The following DENND4A variants were observed in gnomAD, a reference collection of about 807,000 sequenced individuals.
The protein encoded by DENND4A is C-myc promoter-binding protein.
In DENND4A, 70 loss-of-function variants were observed where a neutral mutation model predicts 199.3. That is an observed-to-expected ratio of 0.35 (90% confidence interval 0.29 to 0.43). The LOEUF is 0.43. Among genes scored for constraint, DENND4A ranks in the 20% least tolerant of loss-of-function variants. DENND4A has a pLI of 1.00. For missense variants in DENND4A, 1,723 were observed against 2,255.8 expected (o/e 0.76, Z 4.78); for synonymous variants, 686 against 766.9 (o/e 0.89, Z 1.74).
chr15:65,767,316 TTCTC>T (rs1368825755), intron 1 of DENND4A: 4 of 152,360 alleles, frequency 2.6e-5, no homozygotes, highest in East Asian at 3.8e-4. Context: ...GTCTTATTTA[TTCTC>T]TCTCTTTCCA....
chr15:65,709,362 C>T (rs1169584709), intron 14 of DENND4A, among the ~76,000 whole-genome samples: 2 of 152,088 alleles, frequency 1.3e-5, no homozygotes, highest in South Asian at 2.1e-4. Flanking sequence ...GCTAATAACA[C>T]CACCAGGGAT....
At chr15:65,759,102 C>A (rs2076786064) in intron 2 of DENND4A, among the ~76,000 whole-genome samples, 1 of 152,180 alleles carries the variant, frequency 6.6e-6, no homozygotes, top group Admixed American at 6.5e-5. Context: ...CTAATGTCAT[C>A]AGTTTTCAGA....
In DENND4A at chr15:65,669,976, C is replaced by G. The variant is rs747663704; in HGVS notation, c.4640+37G>C. On this transcript the variant is annotated intron_variant, in intron 26 of 32. Transcript: ENST00000443035. ...TTGAGAAAAGAGATATTATAGGGAA[C>G]ATGATCCTTAAACATGAAGGAAAAA... 31 of 1,601,084 alleles carry G rather than the reference C, an allele frequency of 1.9e-5. No homozygotes were observed. The South Asian group carries it at 3.0e-4, about 16-fold the overall frequency.
chr15:65,741,716 A>T lies in DENND4A; in HGVS notation c.630T>A (p.Ala210=). Residue 210 remains alanine (A), a splice_region_variant and synonymous_variant, in exon 5 of 33, where the codon GCT becomes GCA. Transcript: ENST00000443035. ...TATTGCATGAAAAATTACACTTACC[A>T]GCTTTGTAAGATACAGTGTTCGTCT... ...VAKTNTVSYK[A]GLICRYPQED... 1 of 1,612,136 alleles carries T rather than the reference A, an allele frequency of 6.2e-7. No homozygotes were observed. The highest frequency in any genetic ancestry group is 8.5e-7 in the Non-Finnish European group (1 of 1,178,850).
chr15:65,746,434 T>A (rs969990241), intron 4 of DENND4A, among the ~76,000 whole-genome samples: 1 of 131,512 alleles, frequency 7.6e-6, no homozygotes, highest in African/African-American at 2.7e-5. Flanking sequence ...TCACGCAGAC[T>A]GTAGTGCAGT....
At chr15:65,735,794 G>A (rs1006170535) in intron 7 of DENND4A, among the ~76,000 whole-genome samples, 3 of 151,910 alleles carry the variant, frequency 2.0e-5, no homozygotes, top group Non-Finnish European at 4.4e-5. Flanking sequence ...ATTTTTGTTT[G>A]AAAGATGACT....
Position 65,698,726 on chromosome 15 carries a change from CTTTTTTTTTTTTTTTTTTT to C in DENND4A, c.2834-1362_2834-1344del, listed in dbSNP as rs71139423. On this transcript the variant is annotated intron_variant, in intron 20 of 32. Transcript: ENST00000443035. ...AGGTTTTACACTATTTTAAGATAGC[CTTTTTTTTTTTTTTTTTTT>C]TTTTTTTTTGAGACAGAGTCTCAAC... 6.0e-3 allele frequency among the ~76,000 whole-genome samples: 440 copies of C among 72,824 alleles called. 3 individuals carry two copies. Among genetic ancestry groups the C allele is most frequent in the African/African-American group, 0.024 (421 of 17,286 alleles). The allele number at this position is 72,824 out of a possible 152,430, so 47.8% of individuals were successfully genotyped here. A position where few individuals can be genotyped will look rare whatever the true frequency, so the allele number is the denominator to read the frequency against.
chr15:65,774,559 T>C (rs1478290659), intron 1 of DENND4A, among the ~76,000 whole-genome samples: 1 of 151,788 alleles, frequency 6.6e-6, no homozygotes, highest in African/African-American at 2.4e-5. Context: ...TCCCAGCTAC[T>C]TGGGAGGCTG....
chr15:65,698,425 T>C (rs2077228120), intron 20 of DENND4A, among the ~76,000 whole-genome samples: 1 of 152,320 alleles, frequency 6.6e-6, no homozygotes, highest in Non-Finnish European at 1.5e-5. Flanking sequence ...ACATATGATT[T>C]TAAGTAACAA....
At chr15:65,742,436 A>G (rs886357817) in intron 4 of DENND4A, among the ~76,000 whole-genome samples, 1 of 148,102 alleles carries the variant, frequency 6.8e-6, no homozygotes, top group African/African-American at 2.5e-5. Context: ...GGCACGTGCC[A>G]CCATGACTGG....
rs139124193 is a variant in DENND4A at position 65,754,479 on chromosome 15, A to G, written c.311+1661T>C. The stretch of plus-strand genomic sequence containing the variant: ...ATTTTGGCTTCAAAGGATTCCATAA[A>G]GAAAAGTAAAAAGAACCTACAGAAA... On this transcript the variant is annotated intron_variant, in intron 3 of 32. Transcript: ENST00000443035. 1.8e-4 allele frequency among the ~76,000 whole-genome samples: 28 copies of G among 152,346 alleles called. No homozygotes were observed. The East Asian group carries it at 5.4e-3, about 29-fold the overall frequency.
rs1464384592 is a variant in DENND4A, at chr15:65,690,506, A to C, written c.4088T>G (p.Leu1363Arg). ...DTLLVPKLDVLRNSMFTAGKG... is the reference protein window; with the variant it reads ...DTLLVPKLDVRRNSMFTAGKG... The stretch of plus-strand genomic sequence containing the variant: ...TCCAGCAGTGAACATACTGTTTCTT[A>C]GAACATCTAGTTTAGGTACTAGTAG... Residue 1363 changes from leucine (L) to arginine (R), a missense_variant, in exon 23 of 33, where the codon CTA (leucine) becomes CGA (arginine). Around this residue, in one of 6 missense-constraint regions of DENND4A, gnomAD observed 650 missense variants for 738.1 expected, o/e 0.88. Coordinates refer to ENST00000443035, the MANE Select transcript of DENND4A (RefSeq NM_001320835.1). 6.2e-7 allele frequency: 1 copy of C among 1,613,314 alleles called. No individual in the cohort carries two copies.
chr15:65,701,280 A>G (rs1250356100), intron 18 of DENND4A, 88 bp from the exon 19 acceptor site: 1 of 1,181,964 alleles, frequency 8.5e-7, no homozygotes, highest in Non-Finnish European at 1.1e-6. Flanking sequence ...AAGAATATCA[A>G]AGTAGGCCAG....
chr15:65,701,957 T>C, intron 17 of DENND4A, 67 bp from the exon 18 acceptor site: 1 of 1,592,798 alleles, frequency 6.3e-7, no homozygotes, highest in South Asian at 1.1e-5. Flanking sequence ...TAGAATAAAA[T>C]AATGCATTTT....
rs1412194844 is a variant in DENND4A, at chr15:65,759,551, G to A, written c.-23+1809C>T. On this transcript the variant is annotated intron_variant, in intron 2 of 32. Coordinates refer to ENST00000443035, the MANE Select transcript of DENND4A (RefSeq NM_001320835.1). ...CTTGTTTTATTTACATACTAATGGC[G>A]CCTATGCAGCAATTTCCTTACATAT... 4.6e-5 allele frequency among the ~76,000 whole-genome samples: 7 copies of A among 152,022 alleles called. No homozygotes were observed. In the East Asian group the frequency reaches 5.8e-4, roughly 13 times the overall value.
intron 1 of DENND4A, among the ~76,000 whole-genome samples, chr15:65,780,644 A>C (rs2077413120): frequency 6.6e-6 from 1 of 152,234 alleles, no homozygotes; most frequent in African/African-American, 2.4e-5. Flanking sequence ...AAGATACATA[A>C]ATTAAAATAT....
At chr15:65,676,367 TA>T in intron 24 of DENND4A, 77 bp downstream of exon 24, 1 of 1,227,872 alleles carries the variant, frequency 8.1e-7, no homozygotes, top group Non-Finnish European at 1.1e-6. Context: ...CATTAAATCA[TA>T]AAGAAAAAAG....
chr15:65,719,312 GTTC>G (rs2075527333), intron 12 of DENND4A: 1 of 144,648 alleles, frequency 6.9e-6, no homozygotes. Flanking sequence ...AAATGCAACA[GTTC>G]TTCTTTCCCT....
At chr15:65,764,061 T>C (rs950140548) in intron 1 of DENND4A, among the ~76,000 whole-genome samples, 2 of 152,198 alleles carry the variant, frequency 1.3e-5, no homozygotes, top group African/African-American at 4.8e-5. Flanking sequence ...TGGTAGAATA[T>C]CAGACTTATT....
Sources: gnomAD v4.1 joint callset for allele counts (sites outside exome capture counted in the v4.1 genomes callset) on GRCh38, gnomAD v4.1.1 for gene constraint, gnomAD v4.1.1 regional missense constraint, MANE v1.5 for transcripts, NCBI Gene and HGNC (gene_info 2026-07-23, HGNC 2026-07-21) for gene names.